GTF2H1: variants seen among roughly 807,000 people sequenced by gnomAD.
GTF2H1 encodes the protein BTF2 p62.
Under a neutral mutation model 71.2 loss-of-function variants are expected in GTF2H1, and 16 were observed. That is an observed-to-expected ratio of 0.22 (90% CI 0.15 to 0.34). The LOEUF (loss-of-function observed/expected upper bound fraction) is 0.34. Ranked by LOEUF, GTF2H1 falls within the 10% of genes least tolerant of loss-of-function variation. The probability of loss-of-function intolerance (pLI) is 1.00; values close to 1 mark genes in which losing one functional copy is unlikely to be tolerated. For missense variants in GTF2H1, 498 were observed against 648.2 expected, an observed-to-expected ratio of 0.77 and a Z score of 2.52; for synonymous variants, 215 against 219.0, an observed-to-expected ratio of 0.98 and a Z score of 0.16.
At chr11:18,326,371 AATTAGCGAGG>A (rs1420200467) in intron 1 of GTF2H1, among the ~76,000 whole-genome samples, 2 of 152,096 alleles carry the variant, frequency 1.3e-5, no homozygotes, top group African/African-American at 4.8e-5. Context: ...AATGTAGAAA[AATTAGCGAGG>A]TGTGGTGGTG....
intron 2 of GTF2H1, among the ~76,000 whole-genome samples, chr11:18,334,987 A>G (rs529283519): frequency 7.6e-4 from 115 of 152,250 alleles, no homozygotes; most frequent in African/African-American, 1.8e-3. Flanking sequence ...AACGGTATCC[A>G]ATCTAGGTTC....
chr11:18,346,896 T>C (rs920491218), intron 7 of GTF2H1, among the ~76,000 whole-genome samples: 1 of 151,142 alleles, frequency 6.6e-6, no homozygotes, highest in African/African-American at 2.4e-5. Context: ...TGTGCCACCA[T>C]ACCTGGCTAA....
intron 9 of GTF2H1, chr11:18,351,480 A>G (rs12794102): frequency 1.3e-5 from 2 of 152,372 alleles, no homozygotes; most frequent in African/African-American, 4.8e-5. Context: ...ACAAAAAAAC[A>G]CCAAACTGGA....
intron 1 of GTF2H1, among the ~76,000 whole-genome samples, chr11:18,323,074 T>G (rs2133942738): frequency 6.6e-6 from 1 of 152,358 alleles, no homozygotes; most frequent in East Asian, 1.9e-4. Context: ...TCTGGGATTC[T>G]GTAAGAGAAA....
chr11:18,366,586 T>G lies in GTF2H1; in HGVS notation c.*717T>G, dbSNP rs1590203439. On this transcript the variant is annotated 3_prime_UTR_variant, in exon 15 of 15. Transcript: ENST00000265963. Reference sequence around the variant, plus strand: ...GTCCCTGAATAATAAAGAGGGAATATATTTGCAGAAAGTCGCATAGGGTTT... The same window carrying G: ...GTCCCTGAATAATAAAGAGGGAATAGATTTGCAGAAAGTCGCATAGGGTTT... 6.6e-6 allele frequency: 1 copy of G among 152,624 alleles called. No individual in the cohort carries two copies. Among genetic ancestry groups the G allele is most frequent in the African/African-American group, 2.4e-5 (1 of 41,456 alleles). 9.5% of individuals were successfully genotyped at this position (152,624 alleles called of 1,614,324 possible). A position where few individuals can be genotyped will look rare whatever the true frequency, so the allele number is the denominator to read the frequency against.
At chr11:18,350,930 A>C (rs190648735) in intron 9 of GTF2H1, among the ~76,000 whole-genome samples, 53 of 152,360 alleles carry the variant, frequency 3.5e-4, no homozygotes, top group Non-Finnish European at 6.9e-4. Flanking sequence ...AAATTACTAA[A>C]AGAGTCCAGA....
In GTF2H1 at chr11:18,352,434, CA is replaced by C; in HGVS notation, c.1250del (p.Lys417SerfsTer2). ...IRQEMEAYTPKLTQVLSSSAA... is the reference protein window; with the variant it reads ...IRQEMEAYTPXLTQVLSSSAA... ...GACAAGAAATGGAAGCTTATACACC[CA>C]AGTTAACTCAGGTAGGTGACTTCTA... On this transcript the variant is annotated frameshift_variant, in exon 11 of 15. Transcript: ENST00000265963. LOFTEE classifies it high-confidence loss of function. 7.4e-7 allele frequency: 1 copy of C among 1,344,290 alleles called. No individual in the cohort carries two copies. Among genetic ancestry groups the C allele is most frequent in the Non-Finnish European group, 1.1e-6 (1 of 934,940 alleles). 83.3% of individuals were successfully genotyped at this position (1,344,290 alleles called of 1,614,324 possible). A position where few individuals can be genotyped will look rare whatever the true frequency, so the allele number is the denominator to read the frequency against.
intron 13 of GTF2H1, 36 bp downstream of exon 13, chr11:18,358,676 G>GGT (rs1430010681): frequency 8.0e-7 from 1 of 1,254,264 alleles, no homozygotes; most frequent in Non-Finnish European, 1.2e-6. Context: ...AGATAATTGT[G>GGT]GTAGTGACTT....
rs754899664 is a variant in GTF2H1 at position 18,365,807 on chromosome 11, C to T, written c.1585C>T (p.Leu529Phe). The T allele has an allele frequency of 3.4e-5, 55 of 1,613,308 alleles. No homozygotes were observed. In the Admixed American group the frequency reaches 8.7e-4, roughly 25 times the overall value. Residue 529 changes from leucine to phenylalanine, a missense_variant, in exon 15 of 15, where the codon CTC (leucine) becomes TTC (phenylalanine). Leu to Phe is a conservative substitution (Grantham distance 22). This residue lies in a region of GTF2H1 where 266 missense variants were observed against 301.6 expected (regional missense o/e 0.88). Transcript: ENST00000265963. ...GTTGGTAAGTCACATAGAAGAGATG[C>T]TCCAGACAGCCTACAACAAGCTCCA... ...TNLVSHIEEMLQTAYNKLHTW... is the reference protein window; with the variant it reads ...TNLVSHIEEMFQTAYNKLHTW...
At chr11:18,361,137 T>A (rs1168187278) in intron 14 of GTF2H1, among the ~76,000 whole-genome samples, 1 of 152,170 alleles carries the variant, frequency 6.6e-6, no homozygotes, top group Non-Finnish European at 1.5e-5. Context: ...AGTACTGTTT[T>A]TTAATATTGA....
chr11:18,330,629 T>G (rs1018200169), intron 1 of GTF2H1, among the ~76,000 whole-genome samples: 3 of 152,234 alleles, frequency 2.0e-5, no homozygotes, highest in African/African-American at 7.2e-5. Context: ...GGCTGACTTG[T>G]AGCTTATCTG....
At position 18,327,933 on chromosome 11, in the gene GTF2H1, G is replaced by A. The variant is rs569557257; in HGVS notation, c.-15-5127G>A. Among the ~76,000 whole-genome samples the A allele has an allele frequency of 1.2e-4, 18 of 152,286 alleles. No homozygotes were observed. The East Asian group carries it at 1.7e-3, about 15-fold the overall frequency. On this transcript the variant is annotated intron_variant, in intron 1 of 14. Coordinates refer to ENST00000265963, the MANE Select transcript of GTF2H1 (RefSeq NM_005316.4). ...AATTTAAGAATATGGGGCAGGCCGG[G>A]TGTAGTGGCTCACGCCTGTAATCGC...
chr11:18,365,072 AAAAAAG>A, intron 14 of GTF2H1, among the ~76,000 whole-genome samples: 2 of 127,096 alleles, frequency 1.6e-5, no homozygotes, highest in Non-Finnish European at 3.0e-5. Flanking sequence ...TCCACTATTT[AAAAAAG>A]AAAAAAAAAA....
At chr11:18,341,855 T>A (rs1372433579) in intron 7 of GTF2H1, 1 of 339,038 alleles carries the variant, frequency 2.9e-6, no homozygotes, top group Admixed American at 4.6e-5. Flanking sequence ...TCATCCGCAG[T>A]TCTCTAGTAA....
At position 18,351,907 on chromosome 11, in the gene GTF2H1, T is replaced by C; in HGVS notation, c.1080T>C (p.Tyr360=). 4 of 1,585,498 alleles carry C rather than the reference T, an allele frequency of 2.5e-6. No individual in the cohort carries two copies. Among genetic ancestry groups the C allele is most frequent in the Non-Finnish European group, 3.5e-6 (4 of 1,154,370 alleles). ...CGAAATTACAAGAGTCCATTGAATA[T>C]GAAGACTTGGGGAAAAATAATTCTG... ...KRAKLQESIE[Y]EDLGKNNSVK... is the part of the protein sequence containing the mutation. The change falls in exon 10 of 15, where the codon TAT becomes TAC. Residue 360 remains tyrosine, a synonymous_variant. Transcript: ENST00000265963.
At position 18,351,807 on chromosome 11, in the gene GTF2H1, T is replaced by C. The variant is rs1431387667; in HGVS notation, c.1054-74T>C. The C allele has an allele frequency of 1.4e-5, 11 of 786,838 alleles. No homozygotes were observed. The East Asian group carries it at 2.7e-4, about 19-fold the overall frequency. The allele number at this position is 786,838 out of a possible 1,614,324, so 48.7% of individuals were successfully genotyped here. On this transcript the variant is annotated intron_variant, in intron 9 of 14. Transcript: ENST00000265963. Reference sequence around the variant, plus strand: ...TTCATTTTTTACCCTCTGTACAGTTTTGTTTTTTCAGTCATGTTTATTGTG... The same window carrying C: ...TTCATTTTTTACCCTCTGTACAGTTCTGTTTTTTCAGTCATGTTTATTGTG...
chr11:18,348,136 G>GT lies in GTF2H1; in HGVS notation c.1053+223dup, dbSNP rs1422254535. The GT allele has an allele frequency of 8.7e-6, 5 of 577,584 alleles. No homozygotes were observed. In the East Asian group the frequency reaches 1.4e-4, roughly 16 times the overall value. The allele number at this position is 577,584 out of a possible 1,614,324, so 35.8% of individuals were successfully genotyped here. On this transcript the variant is annotated intron_variant, in intron 9 of 14. Transcript: ENST00000265963. ...CTCTAGCCTGTTAGCCATTTTTATT[G>GT]TTTTTTGTTTGTTTGTTTGTTTGTT...
intron 2 of GTF2H1, 140 bp from the exon 3 acceptor site, chr11:18,335,614 A>C: frequency 3.3e-6 from 2 of 613,302 alleles, no homozygotes; most frequent in South Asian, 4.4e-5. Flanking sequence ...AGAAGAGTGC[A>C]TTCTACAAAA....
intron 8 of GTF2H1, 28 bp downstream of exon 8, chr11:18,347,743 A>T: frequency 2.5e-6 from 4 of 1,608,346 alleles, no homozygotes; most frequent in Non-Finnish European, 3.4e-6. Context: ...AGGTGCAGTA[A>T]CTGGGCTTTT....
Sources: gnomAD v4.1 joint callset for allele counts (sites outside exome capture counted in the v4.1 genomes callset) on GRCh38, gnomAD v4.1.1 for gene constraint, gnomAD v4.1.1 regional missense constraint, MANE v1.5 for transcripts, NCBI Gene and HGNC (gene_info 2026-07-23, HGNC 2026-07-21) for gene names.